The following BACH1 variants were observed in gnomAD, a reference collection of about 807,000 sequenced individuals.
BACH1 encodes transcription regulator protein BACH1.
A neutral mutation model predicts 52.9 loss-of-function variants in BACH1; 35 were observed. That is an observed-to-expected ratio of 0.66 (90% confidence interval 0.51 to 0.88). The LOEUF is 0.88. Among genes scored for constraint, BACH1 ranks in the 40% least tolerant of loss-of-function variants. The pLI, the probability that BACH1 is intolerant of heterozygous loss-of-function variation, is 0.00. For missense variants in BACH1, 808 were observed against 872.6 expected (o/e 0.93, Z 0.93); for synonymous variants, 321 against 319.6 (o/e 1.00, Z -0.05).
In BACH1 at chr21:29,321,644, C is replaced by CT. The variant is rs1220296108; in HGVS notation, c.234+130_234+131insT. On this transcript the variant is annotated intron_variant, in intron 2 of 4. Coordinates refer to ENST00000286800, the MANE Select transcript of BACH1 (RefSeq NM_001186.4). The stretch of plus-strand genomic sequence containing the variant: ...AGCATTTCCCAGGTTCTGTGCAACC[C>CT]CTTTTTTTTTTTTTTTTAGTTTTTT... 101 of 682,354 alleles carry CT rather than the reference C, an allele frequency of 1.5e-4. 1 individual carries two copies. The African/African-American group carries it at 1.8e-3, about 12-fold the overall frequency. 42.3% of individuals were successfully genotyped at this position (682,354 alleles called of 1,614,324 possible).
rs779746147 is a variant in BACH1, at chr21:29,342,519, G to C, written c.1897G>C (p.Glu633Gln). 2 of 1,614,180 alleles carry C rather than the reference G, an allele frequency of 1.2e-6. No homozygotes were observed. Among genetic ancestry groups the C allele is most frequent in the African/African-American group, 2.7e-5 (2 of 75,048 alleles). ...KVCKEAALSQ[E>Q]QIQILAKYSA... ...TTGTAAAGAAGCAGCTCTGAGTCAA[G>C]AACAAATACAGATACTCGCCAAGTA... is the stretch of plus-strand genomic sequence containing the variant. Residue 633 changes from glutamate (E) to glutamine (Q), a missense_variant, in exon 5 of 5, where the codon GAA (glutamate) becomes CAA (glutamine). Coordinates refer to ENST00000286800, the MANE Select transcript of BACH1 (RefSeq NM_001186.4).
rs550103268 is a variant in BACH1, at chr21:29,317,822, A to G, written c.-60-3399A>G. Among the ~76,000 whole-genome samples the G allele has an allele frequency of 2.0e-5, 3 of 152,292 alleles. No homozygotes were observed. The East Asian group carries it at 5.8e-4, about 29-fold the overall frequency. ...GTGCTGTGAACCCTTTTCCCACATC[A>G]TCTCATATAAACTTCAGAACATCTC... On this transcript the variant is annotated intron_variant, in intron 1 of 4. Coordinates refer to ENST00000286800, the MANE Select transcript of BACH1 (RefSeq NM_001186.4).
chr21:29,329,396 T>C, intron 3 of BACH1, 91 bp from the exon 4 acceptor site: 1 of 1,095,634 alleles, frequency 9.1e-7, no homozygotes, highest in Non-Finnish European at 1.2e-6. Flanking sequence ...ATAAGTTCTC[T>C]GAAAAACTTA....
intron 1 of BACH1, among the ~76,000 whole-genome samples, chr21:29,318,223 C>G (rs1386965305): frequency 1.3e-5 from 2 of 152,198 alleles, no homozygotes; most frequent in Admixed American, 1.3e-4. Context: ...GGTTAAACAG[C>G]ATTTTTCCAG....
chr21:29,323,064 T>C (rs1312600350), intron 2 of BACH1, among the ~76,000 whole-genome samples: 1 of 152,182 alleles, frequency 6.6e-6, no homozygotes, highest in Non-Finnish European at 1.5e-5. Context: ...ATTTGAAGTG[T>C]TTCATTATAG....
intron 1 of BACH1, among the ~76,000 whole-genome samples, chr21:29,302,574 A>T (rs2088615267): frequency 1.3e-5 from 2 of 152,204 alleles, no homozygotes; most frequent in African/African-American, 4.8e-5. Context: ...TCCTCTGTAA[A>T]ACAGGGGTGG....
At chr21:29,330,659 A>G (rs1286242224) in intron 4 of BACH1, among the ~76,000 whole-genome samples, 1 of 152,204 alleles carries the variant, frequency 6.6e-6, no homozygotes, top group Non-Finnish European at 1.5e-5. Flanking sequence ...AAGTAGTAAA[A>G]ACATTGCTTG....
chr21:29,312,277 A>G (rs2088733870), intron 1 of BACH1, among the ~76,000 whole-genome samples: 1 of 152,054 alleles, frequency 6.6e-6, no homozygotes, highest in African/African-American at 2.4e-5. Context: ...TAACTGGGAT[A>G]GTAACAATTG....
Position 29,324,120 on chromosome 21 carries a change from C to T in BACH1, c.235-1939C>T, listed in dbSNP as rs762015649. Among the ~76,000 whole-genome samples the T allele has an allele frequency of 2.9e-4, 44 of 150,624 alleles. 1 individual carries two copies. Among genetic ancestry groups the T allele is most frequent in the Admixed American group, 6.6e-4 (10 of 15,062 alleles). ...TACAAAAATTAGCCAGGCGTGGTGG[C>T]GGGCACCTGTAATCCCAGCTACTCG... On this transcript the variant is annotated intron_variant, in intron 2 of 4. Coordinates refer to ENST00000286800, the MANE Select transcript of BACH1 (RefSeq NM_001186.4).
chr21:29,302,134 T>G (rs1028994989), intron 1 of BACH1, among the ~76,000 whole-genome samples: 1 of 152,224 alleles, frequency 6.6e-6, no homozygotes, highest in Non-Finnish European at 1.5e-5. Flanking sequence ...ATGAGAGAAT[T>G]GTCTTAACCC....
In BACH1 at chr21:29,326,758, A is replaced by G. The variant is rs1239483878; in HGVS notation, c.934A>G (p.Asn312Asp). The G allele has an allele frequency of 1.4e-5, 23 of 1,613,892 alleles. No individual in the cohort carries two copies. Among genetic ancestry groups the G allele is most frequent in the Non-Finnish European group, 1.9e-5 (22 of 1,180,044 alleles). ...ATCAGAAGTGACTCCTTTCCCCCACAATTCTTCCATAGACCCTCATGGACT... is the reference window on the plus strand; with the variant it reads ...ATCAGAAGTGACTCCTTTCCCCCACGATTCTTCCATAGACCCTCATGGACT... The part of the protein sequence containing the change: ...EKSEVTPFPH[N>D]SSIDPHGLYS... Residue 312 changes from asparagine (N) to aspartate (D), a missense_variant, in exon 3 of 5, where the codon AAT (asparagine) becomes GAT (aspartate). Coordinates refer to ENST00000286800, the MANE Select transcript of BACH1 (RefSeq NM_001186.4).
Position 29,343,635 on chromosome 21 carries a change from A to T in BACH1, c.*802A>T, listed in dbSNP as rs2089139794. On this transcript the variant is annotated 3_prime_UTR_variant, in exon 5 of 5. Coordinates refer to ENST00000286800, the MANE Select transcript of BACH1 (RefSeq NM_001186.4). ...TTTGGAAGAAGAAATAGGACTCAGA[A>T]TACAGTGGCATGAGTGATTACACTG... 1.3e-5 allele frequency: 2 copies of T among 152,176 alleles called. No homozygotes were observed. Among genetic ancestry groups the T allele is most frequent in the Admixed American group, 1.3e-4 (2 of 15,278 alleles). The allele number at this position is 152,176 out of a possible 1,614,324, so 9.4% of individuals were successfully genotyped here.
intron 1 of BACH1, among the ~76,000 whole-genome samples, chr21:29,312,124 T>A (rs1177042643): frequency 1.3e-5 from 2 of 152,202 alleles, no homozygotes; most frequent in Non-Finnish European, 2.9e-5. Flanking sequence ...CCCCTGATTG[T>A]GGGATTTTAG....
intron 1 of BACH1, among the ~76,000 whole-genome samples, chr21:29,305,637 GCT>G (rs1428400933): frequency 1.3e-5 from 2 of 152,190 alleles, no homozygotes; most frequent in East Asian, 3.9e-4. Context: ...GCTTGGAACA[GCT>G]CTCTAATCTC....
At chr21:29,328,469 A>T (rs2088941440) in intron 3 of BACH1, among the ~76,000 whole-genome samples, 1 of 151,396 alleles carries the variant, frequency 6.6e-6, no homozygotes, top group Admixed American at 6.6e-5. Context: ...CTTTATAATC[A>T]CAATTTACAT....
In BACH1 at chr21:29,345,455, T is replaced by G. The variant is rs899120584; in HGVS notation, c.*2622T>G. On this transcript the variant is annotated 3_prime_UTR_variant, in exon 5 of 5. Transcript: ENST00000286800. The stretch of plus-strand genomic sequence containing the variant: ...AACTGGCCTTCTCAATGTTTGATGA[T>G]TTTTTAAAAGCTGTTATGTTGAATT... 6.6e-6 allele frequency: 1 copy of G among 152,224 alleles called. No individual in the cohort carries two copies. Among genetic ancestry groups the G allele is most frequent in the African/African-American group, 2.4e-5 (1 of 41,460 alleles). The allele number at this position is 152,224 out of a possible 1,614,324, so 9.4% of individuals were successfully genotyped here. A position where few individuals can be genotyped will look rare whatever the true frequency, so the allele number is the denominator to read the frequency against.
intron 1 of BACH1, chr21:29,299,860 G>C (rs942577244): frequency 1.2e-4 from 18 of 152,196 alleles, no homozygotes; most frequent in African/African-American, 4.1e-4. Context: ...AGGATGCTTT[G>C]CTTTTTGGAG....
intron 1 of BACH1, among the ~76,000 whole-genome samples, chr21:29,302,804 C>T (rs534573203): frequency 6.6e-6 from 1 of 152,256 alleles, no homozygotes; most frequent in South Asian, 2.1e-4. Flanking sequence ...AAAAACAACC[C>T]GGGGAACACT....
intron 2 of BACH1, among the ~76,000 whole-genome samples, chr21:29,324,288 TGTC>T (rs2088883641): frequency 6.6e-6 from 1 of 151,366 alleles, no homozygotes; most frequent in South Asian, 2.1e-4. Flanking sequence ...TCCCTTGTGT[TGTC>T]CTTTTATAAC....
Sources: gnomAD v4.1 joint callset for allele counts (sites outside exome capture counted in the v4.1 genomes callset) on GRCh38, gnomAD v4.1.1 for gene constraint, MANE v1.5 for transcripts, NCBI Gene and HGNC (gene_info 2026-07-23, HGNC 2026-07-21) for gene names.